GLCE: variants seen among roughly 807,000 people sequenced by gnomAD.
GLCE encodes D-glucuronyl C5-epimerase.
A neutral mutation model predicts 47.9 loss-of-function variants in GLCE; 19 were observed. The observed-to-expected ratio is 0.40, with a 90% CI of 0.28 to 0.58. The LOEUF (loss-of-function observed/expected upper bound fraction) is 0.58, where lower values mean the gene tolerates loss of function less well. GLCE is among the 20% of genes least tolerant of loss of function. GLCE has a pLI of 0.48. For missense variants in GLCE, 556 were observed against 743.3 expected (o/e 0.75, Z 2.93); for synonymous variants, 245 against 263.4 (o/e 0.93, Z 0.68).
intron 1 of GLCE, among the ~76,000 whole-genome samples, chr15:69,209,283 A>C (rs2052194290): frequency 6.6e-6 from 1 of 152,010 alleles, no homozygotes. Context: ...TTTCCTGTGC[A>C]AGTTGAGTTT....
chr15:69,236,308 C>T (rs1016072923), intron 2 of GLCE, among the ~76,000 whole-genome samples: 4 of 151,918 alleles, frequency 2.6e-5, no homozygotes, highest in Non-Finnish European at 4.4e-5. Flanking sequence ...GGCCTTCTAA[C>T]GAGTTCATAG....
Position 69,268,310 on chromosome 15 carries a change from C to T in GLCE, c.920C>T (p.Ser307Phe). 6.2e-7 allele frequency: 1 copy of T among 1,612,600 alleles called. No individual in the cohort carries two copies. Among genetic ancestry groups the T allele is most frequent in the Non-Finnish European group, 8.5e-7 (1 of 1,178,708 alleles). Residue 307 changes from serine (S) to phenylalanine (F), a missense_variant, in exon 5 of 5, where the codon TCC (serine) becomes TTC (phenylalanine). Physicochemically the swap from Ser to Phe is radical, Grantham distance 155. This residue lies in a region of GLCE where 74 missense variants were observed against 64.4 expected (regional missense o/e 1.15). Transcript: ENST00000261858. ...AAGTTCTTGACAAATGGAAGTGTGT[C>T]CGTGGTTCTAGAGACCACAGAAAAG... is the stretch of plus-strand genomic sequence containing the variant. ...DLKFLTNGSV[S>F]VVLETTEKNQ...
Position 69,171,260 on chromosome 15 carries a change from A to G in GLCE, c.-105+10503A>G, listed in dbSNP as rs980330707. On this transcript the variant is annotated intron_variant, in intron 1 of 4. Coordinates refer to ENST00000261858, the MANE Select transcript of GLCE (RefSeq NM_015554.3). The stretch of plus-strand genomic sequence containing the variant: ...ATAATATATAGTAGTAATTTGTCTC[A>G]TATATAAAAGATATTTCTGAGCTTG... Among the ~76,000 whole-genome samples the G allele has an allele frequency of 5.3e-5, 8 of 152,328 alleles. No homozygotes were observed. The East Asian group carries it at 1.5e-3, about 29-fold the overall frequency.
At chr15:69,235,090 A>AATCTT (rs1163529945) in intron 2 of GLCE, among the ~76,000 whole-genome samples, 13 of 82,512 alleles carry the variant, frequency 1.6e-4, no homozygotes, top group African/African-American at 3.4e-4. Context: ...GATGAAGATT[A>AATCTT]TTCTTTTTTT....
At chr15:69,165,870 G>A (rs900735415) in intron 1 of GLCE, among the ~76,000 whole-genome samples, 1 of 152,070 alleles carries the variant, frequency 6.6e-6, no homozygotes, top group Non-Finnish European at 1.5e-5. Flanking sequence ...CTAAAATTTG[G>A]GAGTTTCTAA....
chr15:69,253,430 T>G (rs1372753132), intron 2 of GLCE, among the ~76,000 whole-genome samples: 1 of 152,194 alleles, frequency 6.6e-6, no homozygotes, highest in African/African-American at 2.4e-5. Flanking sequence ...CAGACTATCT[T>G]CAAAATAACA....
intron 1 of GLCE, among the ~76,000 whole-genome samples, chr15:69,191,580 A>G (rs995208326): frequency 6.6e-6 from 1 of 152,190 alleles, no homozygotes; most frequent in Non-Finnish European, 1.5e-5. Context: ...GAAGCTCATT[A>G]GAGACTCAGT....
chr15:69,229,018 A>G (rs991309563), intron 2 of GLCE, among the ~76,000 whole-genome samples: 1 of 152,208 alleles, frequency 6.6e-6, no homozygotes, highest in Non-Finnish European at 1.5e-5. Context: ...TGTTACATAT[A>G]AGAACACAAA....
chr15:69,211,795 T>C (rs898491168), intron 2 of GLCE, among the ~76,000 whole-genome samples: 7 of 152,046 alleles, frequency 4.6e-5, no homozygotes, highest in Admixed American at 4.6e-4. Context: ...TTCTAAAATC[T>C]TCATCTCATA....
chr15:69,242,414 C>T (rs2052684527), intron 2 of GLCE, among the ~76,000 whole-genome samples: 1 of 151,796 alleles, frequency 6.6e-6, no homozygotes, highest in South Asian at 2.1e-4. Context: ...GAGCGGAAAT[C>T]GTTTCTATAT....
chr15:69,269,510 A>AC lies in GLCE; in HGVS notation c.*267dup. 1 of 442,152 alleles carries AC rather than the reference A, an allele frequency of 2.3e-6. No individual in the cohort carries two copies. Among genetic ancestry groups the AC allele is most frequent in the Non-Finnish European group, 4.1e-6 (1 of 246,708 alleles). The allele number at this position is 442,152 out of a possible 1,614,324, so 27.4% of individuals were successfully genotyped here. ...CACTTTGCCTTGCCCATCACCCTAT[A>AC]CAGTTTCGCAGATAGTCTAGTCACT... On this transcript the variant is annotated 3_prime_UTR_variant, in exon 5 of 5. Transcript: ENST00000261858.
Position 69,250,819 on chromosome 15 carries a change from A to C in GLCE, c.-13-4975A>C, listed in dbSNP as rs536126343. Among the ~76,000 whole-genome samples, 128 of 152,248 alleles carry C rather than the reference A, an allele frequency of 8.4e-4. 3 individuals are homozygous for C. The South Asian group carries it at 0.023, about 28-fold the overall frequency. On this transcript the variant is annotated intron_variant, in intron 2 of 4. Transcript: ENST00000261858. ...TTTTTTATAGTTAAAAAAAAAAAAA[A>C]AAAACAGCGTGGTCATGGAAAATTA...
intron 1 of GLCE, among the ~76,000 whole-genome samples, chr15:69,198,104 T>G (rs1238512043): frequency 6.6e-6 from 1 of 152,132 alleles, no homozygotes; most frequent in Non-Finnish European, 1.5e-5. Flanking sequence ...CCCTCACATG[T>G]ATACTTTTTT....
chr15:69,161,901 G>A (rs971332717), intron 1 of GLCE, among the ~76,000 whole-genome samples: 4 of 78,666 alleles, frequency 5.1e-5, no homozygotes, highest in African/African-American at 1.3e-4. Context: ...ATCTGTTGAG[G>A]GTGGGGAAGA....
Position 69,269,124 on chromosome 15 carries a change from T to C in GLCE, c.1734T>C (p.Tyr578=). 6.2e-7 allele frequency: 1 copy of C among 1,614,088 alleles called. No homozygotes were observed. Among genetic ancestry groups the C allele is most frequent in the South Asian group, 1.1e-5 (1 of 91,072 alleles). ...CTCCTAACCTGGCTCGCTGGGACTA[T>C]CATACCACCCACATCAATCAGTTGC... ...GIAPNLARWD[Y]HTTHINQLQL... Residue 578 remains tyrosine, a synonymous_variant, in exon 5 of 5, where the codon TAT becomes TAC. Coordinates refer to ENST00000261858, the MANE Select transcript of GLCE (RefSeq NM_015554.3).
intron 4 of GLCE, 138 bp from the exon 5 acceptor site, chr15:69,268,082 T>C (rs1158958900): frequency 3.4e-6 from 2 of 582,106 alleles, no homozygotes; most frequent in Admixed American, 3.4e-5. Context: ...AAAATAAAAT[T>C]ACAAATGATC....
Position 69,261,288 on chromosome 15 carries a change from A to G in GLCE, c.788A>G (p.Asp263Gly), listed in dbSNP as rs771113605. Residue 263 changes from aspartate to glycine, a missense_variant, in exon 4 of 5, where the codon GAT becomes GGT. Around this residue, in one of 3 missense-constraint regions of GLCE, gnomAD observed 74 missense variants for 64.4 expected, o/e 1.15. Coordinates refer to ENST00000261858, the MANE Select transcript of GLCE (RefSeq NM_015554.3). ...GGCTGCTTTATGGCGAATGTGGCTG[A>G]TAAGTCTAGATTCACCAATGTCAAA... ...PKGCFMANVA[D>G]KSRFTNVKQF... 2 of 1,613,930 alleles carry G rather than the reference A, an allele frequency of 1.2e-6. No homozygotes were observed. The highest frequency in any genetic ancestry group is 2.7e-5 in the African/African-American group (2 of 74,930).
At chr15:69,258,000 TATTTTTA>T (rs952888195) in intron 3 of GLCE, among the ~76,000 whole-genome samples, 6 of 152,074 alleles carry the variant, frequency 3.9e-5, no homozygotes, top group Admixed American at 6.6e-5. Flanking sequence ...TATTTTATTT[TATTTTTA>T]ATTTTTAAGT....
At chr15:69,184,210 T>A (rs1249768317) in intron 1 of GLCE, among the ~76,000 whole-genome samples, 2 of 152,190 alleles carry the variant, frequency 1.3e-5, no homozygotes, top group Non-Finnish European at 2.9e-5. Flanking sequence ...TTAATGCTGA[T>A]CCTGAACCAT....
Sources: allele counts gnomAD v4.1 joint callset (sites outside exome capture counted in the v4.1 genomes callset), GRCh38; gene constraint gnomAD v4.1.1; regional missense constraint gnomAD v4.1.1; transcripts MANE v1.5; gene names NCBI Gene and HGNC (gene_info 2026-07-23, HGNC 2026-07-21).